The following BSPRY variants were observed in gnomAD, a reference collection of about 807,000 sequenced individuals.
BSPRY encodes B-box and SPRY domain containing.
Under a neutral mutation model 38.0 loss-of-function variants are expected in BSPRY, and 33 were observed. The ratio of observed to expected loss-of-function variants is 0.87; its 90% CI spans 0.66 to 1.16. The LOEUF is 1.16. Ranked by LOEUF, BSPRY falls within the 50% of genes most tolerant of loss-of-function variation. The pLI, the probability that BSPRY is intolerant of heterozygous loss-of-function variation, is 0.00. For synonymous variants in BSPRY, 224 were observed against 228.5 expected (o/e 0.98, Z 0.18); for missense variants, 523 against 533.2 (o/e 0.98, Z 0.19).
At chr9:113,351,041 A>G (rs532153008) in intron 1 of BSPRY, among the ~76,000 whole-genome samples, 1 of 152,276 alleles carries the variant, frequency 6.6e-6, no homozygotes, top group South Asian at 2.1e-4. Context: ...TTGACTAGGC[A>G]AGAGGAAACT....
At chr9:113,357,735 G>A (rs533826562) in intron 2 of BSPRY, among the ~76,000 whole-genome samples, 1 of 150,988 alleles carries the variant, frequency 6.6e-6, no homozygotes, top group African/African-American at 2.4e-5. Flanking sequence ...TTTAGACAAA[G>A]TCTCACTCCA....
chr9:113,360,656 G>C lies in BSPRY; in HGVS notation c.450G>C (p.Trp150Cys). The change falls in exon 3 of 6, where the codon TGG becomes TGC. Residue 150 changes from tryptophan (W) to cysteine (C), a missense_variant. By Grantham distance (215) the Trp-to-Cys change is radical. Transcript: ENST00000374183. ...HQSILTQRVH[W>C]AEALQKLDTI... ...GCATCCTGACACAGCGGGTGCACTG[G>C]GCCGAGGCGCTGCAGAAACTTGACA... 1 of 1,608,914 alleles carries C rather than the reference G, an allele frequency of 6.2e-7. No individual in the cohort carries two copies. The highest frequency in any genetic ancestry group is 8.5e-7 in the Non-Finnish European group (1 of 1,178,638).
At chr9:113,353,510 C>G (rs758369943) in intron 1 of BSPRY, among the ~76,000 whole-genome samples, 3 of 152,064 alleles carry the variant, frequency 2.0e-5, no homozygotes, top group Non-Finnish European at 4.4e-5. Flanking sequence ...CGAAACCAGC[C>G]TGGCCAACAT....
In BSPRY at chr9:113,369,767, C is replaced by T; in HGVS notation, c.834C>T (p.Ala278=). The T allele has an allele frequency of 6.2e-7, 1 of 1,614,260 alleles. No homozygotes were observed. Among genetic ancestry groups the T allele is most frequent in the Non-Finnish European group, 8.5e-7 (1 of 1,180,050 alleles). Residue 278 remains alanine (A), a synonymous_variant, in exon 6 of 6, where the codon GCC becomes GCT. Transcript: ENST00000374183. ...RFDHWPNALA[A]TSFQNGLHAW... is the part of the protein sequence containing the mutation. The stretch of plus-strand genomic sequence containing the variant: ...ACCACTGGCCCAATGCCCTGGCTGC[C>T]ACCTCCTTCCAGAATGGGCTCCATG...
At chr9:113,351,785 T>G (rs545822319) in intron 1 of BSPRY, among the ~76,000 whole-genome samples, 5 of 152,222 alleles carry the variant, frequency 3.3e-5, no homozygotes, top group African/African-American at 1.2e-4. Flanking sequence ...CTCTTTCCTT[T>G]TTTTTTAAAA....
Position 113,370,120 on chromosome 9 carries a change from A to C in BSPRY, c.1187A>C (p.Gln396Pro), listed in dbSNP as rs1481435627. 1 of 1,582,664 alleles carries C rather than the reference A, an allele frequency of 6.3e-7. No homozygotes were observed. The highest frequency in any genetic ancestry group is 8.6e-7 in the Non-Finnish European group (1 of 1,164,288). Reference protein sequence around the residue: ...PLFPVFAVADQTISIVR With the variant: ...PLFPVFAVADPTISIVR The stretch of plus-strand genomic sequence containing the variant: ...TTCCCAGTCTTTGCTGTGGCCGATC[A>C]GACCATTTCTATCGTCCGCTGACCT... The change falls in exon 6 of 6, where the codon CAG (glutamine) becomes CCG (proline). Residue 396 changes from glutamine (Q) to proline (P), a missense_variant. Physicochemically the swap from Gln to Pro is moderately conservative, Grantham distance 76. Transcript: ENST00000374183. This position sits in a 1 kb window ranked among gnomAD's most constrained non-coding sequence, Gnocchi z 4.8.
intron 2 of BSPRY, among the ~76,000 whole-genome samples, chr9:113,354,782 C>T (rs1834030700): frequency 6.6e-6 from 1 of 152,196 alleles, no homozygotes; most frequent in Non-Finnish European, 1.5e-5. Context: ...CCATAGCCTC[C>T]TGGCAGTCGG....
At chr9:113,350,316 C>T (rs1170395498) in intron 1 of BSPRY, among the ~76,000 whole-genome samples, 1 of 152,198 alleles carries the variant, frequency 6.6e-6, no homozygotes, top group Non-Finnish European at 1.5e-5. Context: ...CCTCTTCCCC[C>T]TGCTCCTAAC....
At chr9:113,363,747 G>A (rs1432014199) in intron 4 of BSPRY, among the ~76,000 whole-genome samples, 8 of 151,590 alleles carry the variant, frequency 5.3e-5, no homozygotes, top group African/African-American at 1.2e-4. Context: ...GTGTGGTGGT[G>A]TGTGCCTGTA....
chr9:113,367,957 G>A (rs28645075), intron 4 of BSPRY, among the ~76,000 whole-genome samples: 46,071 of 151,712 alleles, frequency 0.3, 7,360 homozygotes, highest in East Asian at 0.56. Flanking sequence ...CAGCCTCCCA[G>A]GTAGCTGGGA....
At chr9:113,351,587 G>A (rs1588059598) in intron 1 of BSPRY, among the ~76,000 whole-genome samples, 1 of 152,326 alleles carries the variant, frequency 6.6e-6, no homozygotes, top group South Asian at 2.1e-4. Flanking sequence ...GGGCTTCCTG[G>A]AAGAGGTAGC....
chr9:113,350,009 C>T (rs1243828033), intron 1 of BSPRY, among the ~76,000 whole-genome samples: 1 of 152,222 alleles, frequency 6.6e-6, no homozygotes, highest in Non-Finnish European at 1.5e-5. Flanking sequence ...AACTCTGAGC[C>T]TCAGTGTCTT....
intron 3 of BSPRY, among the ~76,000 whole-genome samples, chr9:113,360,966 G>A (rs1246943843): frequency 6.6e-6 from 1 of 152,092 alleles, no homozygotes; most frequent in African/African-American, 2.4e-5. Flanking sequence ...ACCCTGCTAA[G>A]TCAGTGTAGC....
Position 113,369,936 on chromosome 9 carries a change from C to T in BSPRY, c.1003C>T (p.Arg335Cys), listed in dbSNP as rs201176174. ...WVFSRYDQEF[R>C]FSHNGQHEPL... ...CTTCTCTCGCTATGATCAGGAGTTT[C>T]GTTTCTCACACAATGGGCAGCACGA... The change falls in exon 6 of 6, where the codon CGT (arginine) becomes TGT (cysteine). Residue 335 changes from arginine to cysteine, a missense_variant. Coordinates refer to ENST00000374183, the MANE Select transcript of BSPRY (RefSeq NM_017688.3). 3.8e-5 allele frequency: 62 copies of T among 1,614,228 alleles called. No homozygotes were observed. The East Asian group carries it at 7.8e-4, about 20-fold the overall frequency.
At chr9:113,350,629 C>T (rs759990819) in intron 1 of BSPRY, among the ~76,000 whole-genome samples, 1 of 152,062 alleles carries the variant, frequency 6.6e-6, no homozygotes, top group Non-Finnish European at 1.5e-5. Flanking sequence ...TCTCCCAACC[C>T]GACTCTGCAG....
Position 113,360,638 on chromosome 9 carries a change from GAC to G in BSPRY, c.436_437del (p.Gln146AlafsTer12). 1 of 1,609,340 alleles carries G rather than the reference GAC, an allele frequency of 6.2e-7. No individual in the cohort carries two copies. The highest frequency in any genetic ancestry group is 8.5e-7 in the Non-Finnish European group (1 of 1,178,860). On this transcript the variant is annotated frameshift_variant, in exon 3 of 6. Transcript: ENST00000374183. LOFTEE classifies it high-confidence loss of function. ...AGGAGCGGGCCCACCAGAGCATCCT[GAC>G]ACAGCGGGTGCACTGGGCCGAGGCG... The part of the protein sequence containing the change: ...EEERAHQSIL[T>X]QRVHWAEALQ...
intron 4 of BSPRY, 70 bp from the exon 5 acceptor site, chr9:113,368,189 C>T: frequency 1.3e-6 from 2 of 1,571,292 alleles, no homozygotes; most frequent in Non-Finnish European, 1.7e-6. Flanking sequence ...TTCTTCTCTT[C>T]ACCCCATATT....
At chr9:113,357,060 G>A (rs1261881293) in intron 2 of BSPRY, among the ~76,000 whole-genome samples, 2 of 152,202 alleles carry the variant, frequency 1.3e-5, no homozygotes, top group African/African-American at 2.4e-5. Context: ...GTGAATGAGT[G>A]TAGACACGAA....
chr9:113,355,438 TGCTAGGAGTCCAGGCA>T (rs926336295), intron 2 of BSPRY, among the ~76,000 whole-genome samples: 4 of 152,196 alleles, frequency 2.6e-5, no homozygotes, highest in African/African-American at 9.6e-5. Context: ...ACCAGAAAGC[TGCTAGGAGTCCAGGCA>T]GCTACTTGGT....
Sources: allele counts gnomAD v4.1 joint callset (sites outside exome capture counted in the v4.1 genomes callset), GRCh38; gene constraint gnomAD v4.1.1; non-coding constraint Gnocchi (gnomAD v3.1); transcripts MANE v1.5; gene names NCBI Gene and HGNC (gene_info 2026-07-23, HGNC 2026-07-21).